The following XKR6 variants were observed in gnomAD, a reference collection of about 807,000 sequenced individuals.
The protein encoded by XKR6 is XK related 6.
XKR6 carries 22 observed loss-of-function variants against 56.7 expected under a neutral mutation model. The observed-to-expected ratio is 0.39, with a 90% CI of 0.28 to 0.55. The LOEUF is 0.55. XKR6 is among the 20% of genes least tolerant of loss of function. The pLI is 0.66. For synonymous variants in XKR6, 524 were observed against 387.8 expected, an observed-to-expected ratio of 1.35 and a Z score of -4.13; for missense variants, 852 against 889.0, an observed-to-expected ratio of 0.96 and a Z score of 0.53.
chr8:10,924,531 C>CT, intron 2 of XKR6, 103 bp downstream of exon 2: 1 of 1,405,484 alleles, frequency 7.1e-7, no homozygotes. Context: ...GCAGGATGGG[C>CT]AATGCCCACA....
At chr8:11,005,358 G>GTATATATATA (rs1333626126) in intron 1 of XKR6, among the ~76,000 whole-genome samples, 6 of 149,286 alleles carry the variant, frequency 4.0e-5, no homozygotes, top group African/African-American at 1.3e-4. Flanking sequence ...AGTGACTGTA[G>GTATATATATA]TAGATATAGA....
intron 1 of XKR6, among the ~76,000 whole-genome samples, chr8:11,167,770 T>G (rs1427192513): frequency 2.6e-5 from 4 of 151,796 alleles, no homozygotes; most frequent in Non-Finnish European, 4.4e-5. Flanking sequence ...CTGGAAAAAG[T>G]ATTTTTGTTT....
chr8:11,132,661 C>G (rs1800162669), intron 1 of XKR6, among the ~76,000 whole-genome samples: 1 of 151,996 alleles, frequency 6.6e-6, no homozygotes, highest in African/African-American at 2.4e-5. Context: ...CGCGTCTGGT[C>G]AACTTTGTTA....
intron 1 of XKR6, among the ~76,000 whole-genome samples, chr8:11,155,713 A>G (rs1801486761): frequency 6.6e-6 from 1 of 152,208 alleles, no homozygotes; most frequent in African/African-American, 2.4e-5. Flanking sequence ...AGAAGTCTCA[A>G]TGGCCTCCCT....
chr8:11,121,309 A>G (rs756908619), intron 1 of XKR6, among the ~76,000 whole-genome samples: 98 of 152,376 alleles, frequency 6.4e-4, no homozygotes, highest in Non-Finnish European at 1.1e-3. Context: ...GCTAATATCC[A>G]GAATCTACAA....
intron 1 of XKR6, among the ~76,000 whole-genome samples, chr8:11,010,782 T>C (rs538913467): frequency 6.6e-6 from 1 of 152,228 alleles, no homozygotes; most frequent in East Asian, 1.9e-4. Flanking sequence ...CCACCTTTTT[T>C]TTTTTTCCTG....
chr8:11,163,782 C>T (rs1035402184), intron 1 of XKR6, among the ~76,000 whole-genome samples: 5 of 152,140 alleles, frequency 3.3e-5, no homozygotes, highest in Non-Finnish European at 5.9e-5. Flanking sequence ...TCACATTTTA[C>T]AGTTGAGGAA....
chr8:10,991,023 C>T (rs1310932703), intron 1 of XKR6, among the ~76,000 whole-genome samples: 7 of 151,406 alleles, frequency 4.6e-5, no homozygotes, highest in South Asian at 2.1e-4. Flanking sequence ...CCTGCCTCAG[C>T]CTCCTGAGTA....
chr8:11,032,880 G>A (rs570393937), intron 1 of XKR6, among the ~76,000 whole-genome samples: 1 of 152,302 alleles, frequency 6.6e-6, no homozygotes, highest in African/African-American at 2.4e-5. Context: ...AGCAGTAGTG[G>A]CTTTGCTGGT....
intron 1 of XKR6, among the ~76,000 whole-genome samples, chr8:11,088,984 G>T (rs530616409): frequency 1.5e-4 from 23 of 152,322 alleles, no homozygotes; most frequent in African/African-American, 5.5e-4. Flanking sequence ...TGGATTGATG[G>T]GGTGACATTT....
At chr8:11,008,617 A>G (rs1207866935) in intron 1 of XKR6, among the ~76,000 whole-genome samples, 1 of 151,532 alleles carries the variant, frequency 6.6e-6, no homozygotes, top group Admixed American at 6.6e-5. Flanking sequence ...ATACGACCCC[A>G]TTACCCAGGT....
Position 10,992,570 on chromosome 8 carries a change from G to A in XKR6, c.765-67740C>T, listed in dbSNP as rs544756483. On this transcript the variant is annotated intron_variant, in intron 1 of 2. Coordinates refer to ENST00000416569, the MANE Select transcript of XKR6 (RefSeq NM_173683.4). ...GCCTGCAAACCTTGCAGACAGATCCGCTTGTTAAAGGGAACTCTAATCCCT... is the reference window on the plus strand; with the variant it reads ...GCCTGCAAACCTTGCAGACAGATCCACTTGTTAAAGGGAACTCTAATCCCT... Among the ~76,000 whole-genome samples the A allele has an allele frequency of 1.2e-4, 19 of 152,248 alleles. No homozygotes were observed. The East Asian group carries it at 2.5e-3, about 20-fold the overall frequency.
At chr8:10,984,537 T>C (rs1249719121) in intron 1 of XKR6, among the ~76,000 whole-genome samples, 1 of 151,820 alleles carries the variant, frequency 6.6e-6, no homozygotes, top group East Asian at 1.9e-4. Context: ...ATTATCATTG[T>C]TTTCAGGGGA....
At chr8:11,015,819 G>T (rs531506673) in intron 1 of XKR6, among the ~76,000 whole-genome samples, 1 of 152,196 alleles carries the variant, frequency 6.6e-6, no homozygotes, top group East Asian at 1.9e-4. Context: ...TGGGCTCGGC[G>T]TATCTAGAGC....
chr8:11,151,201 A>T (rs1296935855), intron 1 of XKR6, among the ~76,000 whole-genome samples: 4 of 152,192 alleles, frequency 2.6e-5, no homozygotes, highest in Non-Finnish European at 5.9e-5. Flanking sequence ...TTTTTGTCCC[A>T]AAAGTAGAGA....
intron 1 of XKR6, among the ~76,000 whole-genome samples, chr8:10,995,272 T>TA (rs1798083449): frequency 1.3e-5 from 2 of 151,614 alleles, no homozygotes; most frequent in Admixed American, 1.3e-4. Flanking sequence ...CCCAGTGCTT[T>TA]AGGAGACTGA....
At chr8:11,032,625 G>T (rs373478861) in intron 1 of XKR6, among the ~76,000 whole-genome samples, 1 of 152,068 alleles carries the variant, frequency 6.6e-6, no homozygotes, top group African/African-American at 2.4e-5. Context: ...GAAGTTGAGG[G>T]CAAGACTGTT....
intron 1 of XKR6, among the ~76,000 whole-genome samples, chr8:10,948,461 T>C (rs929868314): frequency 1.3e-5 from 2 of 152,064 alleles, no homozygotes; most frequent in Admixed American, 6.5e-5. Context: ...CAGGAAGCTC[T>C]TCCCCTCTGT....
chr8:11,104,001 A>G (rs1417781504), intron 1 of XKR6, among the ~76,000 whole-genome samples: 1 of 152,202 alleles, frequency 6.6e-6, no homozygotes, highest in Non-Finnish European at 1.5e-5. Context: ...GAAGTCCAAA[A>G]TATCCCTCGT....
Sources: gnomAD v4.1 joint callset for allele counts (sites outside exome capture counted in the v4.1 genomes callset) on GRCh38, gnomAD v4.1.1 for gene constraint, MANE v1.5 for transcripts, NCBI Gene and HGNC (gene_info 2026-07-23, HGNC 2026-07-21) for gene names.